The following GPC6 variants were observed in gnomAD, a reference collection of about 807,000 sequenced individuals.
GPC6 encodes glypican 6.
Under a neutral mutation model 55.2 loss-of-function variants are expected in GPC6, and 14 were observed. The observed-to-expected ratio is 0.25, with a 90% confidence interval of 0.17 to 0.40. GPC6 has a LOEUF of 0.40. Among genes scored for constraint, GPC6 ranks in the 10% least tolerant of loss-of-function variants. The pLI is 1.00. For synonymous variants in GPC6, 278 were observed against 259.6 expected (o/e 1.07, Z -0.68); for missense variants, 641 against 708.5 (o/e 0.90, Z 1.08).
chr13:94,092,462 TTCATTC>T (rs1885523616), intron 4 of GPC6, among the ~76,000 whole-genome samples: 1 of 152,138 alleles, frequency 6.6e-6, no homozygotes, highest in Admixed American at 6.6e-5. Context: ...ATAACAGAAT[TTCATTC>T]TCTTTTAATG....
intron 2 of GPC6, among the ~76,000 whole-genome samples, chr13:93,609,478 T>C (rs923988209): frequency 2.7e-4 from 41 of 152,194 alleles, no homozygotes; most frequent in African/African-American, 9.9e-4. Flanking sequence ...CCTCAAATGA[T>C]CCGCCGGCCT....
intron 1 of GPC6, among the ~76,000 whole-genome samples, chr13:93,296,983 G>T (rs1025401702): frequency 5.3e-5 from 8 of 152,166 alleles, no homozygotes; most frequent in Non-Finnish European, 1.2e-4. Flanking sequence ...AGGAGGGATG[G>T]TTGGAAACAA....
chr13:93,494,883 C>G (rs1158154903), intron 1 of GPC6, among the ~76,000 whole-genome samples: 1 of 148,412 alleles, frequency 6.7e-6, no homozygotes, highest in Non-Finnish European at 1.5e-5. Flanking sequence ...GGGTTTCTGC[C>G]GAGAGATCCG....
intron 4 of GPC6, among the ~76,000 whole-genome samples, chr13:94,043,578 A>G (rs558275016): frequency 6.6e-6 from 1 of 151,970 alleles, no homozygotes; most frequent in Non-Finnish European, 1.5e-5. Context: ...GTGTATATGT[A>G]TATGTATATA....
intron 1 of GPC6, among the ~76,000 whole-genome samples, chr13:93,522,680 A>G (rs1026762936): frequency 2.0e-5 from 3 of 151,914 alleles, no homozygotes; most frequent in African/African-American, 7.2e-5. Context: ...AAAACAAAAC[A>G]GTGGATGTAG....
At chr13:93,822,858 A>T (rs570422707) in intron 2 of GPC6, among the ~76,000 whole-genome samples, 16 of 132,952 alleles carry the variant, frequency 1.2e-4, no homozygotes, top group Middle Eastern at 3.8e-3. Flanking sequence ...TTATTATTTT[A>T]TTATTATTAT....
At chr13:94,138,184 G>A (rs532821655) in intron 4 of GPC6, among the ~76,000 whole-genome samples, 8 of 152,020 alleles carry the variant, frequency 5.3e-5, no homozygotes, top group East Asian at 3.9e-4. Flanking sequence ...TTTGGATTTC[G>A]GGTTTTCGGA....
In GPC6 at chr13:93,988,158, A is replaced by T. The variant is rs1300932246; in HGVS notation, c.712-39571A>T. ...CTGCCAGAAACATTGAATCACAATC[A>T]TCATGTTTGGGGCTTGGGAATTGTT... On this transcript the variant is annotated intron_variant, in intron 3 of 8. Coordinates refer to ENST00000377047, the MANE Select transcript of GPC6 (RefSeq NM_005708.5). Among the ~76,000 whole-genome samples the T allele has an allele frequency of 4.6e-5, 7 of 152,310 alleles. No individual in the cohort carries two copies. In the East Asian group the frequency reaches 1.4e-3, roughly 29 times the overall value.
At chr13:93,923,546 G>C (rs1928906) in intron 3 of GPC6, among the ~76,000 whole-genome samples, 3,278 of 151,540 alleles carry the variant, frequency 0.022, 60 homozygotes, top group East Asian at 0.085. Flanking sequence ...ACAATCAATA[G>C]CCACTTTCCC....
At chr13:93,516,117 C>T (rs1458789686) in intron 1 of GPC6, among the ~76,000 whole-genome samples, 5 of 152,186 alleles carry the variant, frequency 3.3e-5, no homozygotes, top group African/African-American at 9.6e-5. Context: ...TCATTAGCAG[C>T]AAGTTTGAAA....
At chr13:94,295,683 G>A (rs1875295246) in intron 5 of GPC6, among the ~76,000 whole-genome samples, 1 of 152,094 alleles carries the variant, frequency 6.6e-6, no homozygotes, top group Non-Finnish European at 1.5e-5. Context: ...AGCTTTAGAG[G>A]AATTTCCATG....
intron 4 of GPC6, among the ~76,000 whole-genome samples, chr13:94,217,310 A>G (rs909571492): frequency 2.6e-5 from 4 of 152,202 alleles, no homozygotes; most frequent in Non-Finnish European, 5.9e-5. Flanking sequence ...ATGTTCAATA[A>G]TGTTCAAAAC....
At chr13:94,215,830 A>G (rs778468514) in intron 4 of GPC6, among the ~76,000 whole-genome samples, 9 of 152,252 alleles carry the variant, frequency 5.9e-5, no homozygotes, top group Middle Eastern at 3.4e-3. Flanking sequence ...TTTGCTTTCA[A>G]ACCTAGACTT....
At chr13:93,446,060 G>A (rs551681204) in intron 1 of GPC6, among the ~76,000 whole-genome samples, 1 of 152,292 alleles carries the variant, frequency 6.6e-6, no homozygotes, top group African/African-American at 2.4e-5. Context: ...TAATAGGAAT[G>A]ATTGAAAGAA....
At chr13:93,369,966 G>A (rs984206139) in intron 1 of GPC6, among the ~76,000 whole-genome samples, 27 of 152,008 alleles carry the variant, frequency 1.8e-4, no homozygotes, top group African/African-American at 6.5e-4. Context: ...TTTTTAAAAT[G>A]CCAATAGACA....
chr13:93,538,394 A>T (rs1183436856), intron 1 of GPC6, among the ~76,000 whole-genome samples: 1 of 152,150 alleles, frequency 6.6e-6, no homozygotes, highest in Non-Finnish European at 1.5e-5. Flanking sequence ...TTATGTTTAT[A>T]TGTATTCCTG....
At chr13:93,919,305 G>A (rs570606071) in intron 3 of GPC6, among the ~76,000 whole-genome samples, 7 of 152,318 alleles carry the variant, frequency 4.6e-5, no homozygotes, top group African/African-American at 1.7e-4. Flanking sequence ...ACCTAATGCA[G>A]TCCGTTGTTA....
At chr13:93,617,530 G>A (rs1401223445) in intron 2 of GPC6, among the ~76,000 whole-genome samples, 1 of 152,076 alleles carries the variant, frequency 6.6e-6, no homozygotes, top group Non-Finnish European at 1.5e-5. Flanking sequence ...GCTTTCTGAG[G>A]ATGTTAAGAA....
intron 4 of GPC6, among the ~76,000 whole-genome samples, chr13:94,123,663 CTG>C (rs1188440126): frequency 2.0e-5 from 3 of 151,586 alleles, no homozygotes; most frequent in African/African-American, 7.3e-5. Flanking sequence ...TCTTAAGCAA[CTG>C]TGTGTGTGTT....
Sources: gnomAD v4.1 joint callset for allele counts (sites outside exome capture counted in the v4.1 genomes callset) on GRCh38, gnomAD v4.1.1 for gene constraint, MANE v1.5 for transcripts, NCBI Gene and HGNC (gene_info 2026-07-23, HGNC 2026-07-21) for gene names.